INTS3: variants seen among roughly 807,000 people sequenced by gnomAD.
INTS3 encodes integrator complex subunit 3.
Under a neutral mutation model 146.3 loss-of-function variants are expected in INTS3, and 34 were observed. The observed-to-expected ratio is 0.23, with a 90% CI of 0.18 to 0.31. The LOEUF (loss-of-function observed/expected upper bound fraction) is 0.31, where lower values mean the gene tolerates loss of function less well. INTS3 is among the 10% of genes least tolerant of loss of function. The pLI is 1.00. For synonymous variants in INTS3, 475 were observed against 494.9 expected (o/e 0.96, Z 0.53); for missense variants, 757 against 1,304.2 (o/e 0.58, Z 6.46).
intron 5 of INTS3, chr1:153,748,406 C>T (rs764605979): frequency 2.9e-5 from 13 of 445,064 alleles, no homozygotes; most frequent in South Asian, 6.7e-5. Flanking sequence ...ACTTCTCAGA[C>T]GTTCATTTTC....
At chr1:153,771,987 C>T (rs1672894501) in intron 26 of INTS3, 24 bp downstream of exon 26, 2 of 1,600,946 alleles carry the variant, frequency 1.2e-6, no homozygotes, top group Non-Finnish European at 1.7e-6. Flanking sequence ...CCTGTCTACC[C>T]TCCAGGCCAT....
In INTS3 at chr1:153,773,088, A is replaced by G; in HGVS notation, c.3051+7A>G. ...GGGCTCCAGCAGTGCTTCAGTGAGA[A>G]CCCAGCCAGTGCACAGGGGGAAAAG... On this transcript the variant is annotated splice_region_variant and intron_variant, in intron 29 of 29. Coordinates refer to ENST00000318967, the MANE Select transcript of INTS3 (RefSeq NM_023015.5). The G allele has an allele frequency of 6.2e-7, 1 of 1,613,988 alleles. No individual in the cohort carries two copies. Among genetic ancestry groups the G allele is most frequent in the Non-Finnish European group, 8.5e-7 (1 of 1,179,992 alleles).
rs181813858 is a variant in INTS3, at chr1:153,742,746, T to C, written c.318+1378T>C. Among the ~76,000 whole-genome samples the C allele has an allele frequency of 2.0e-5, 3 of 152,358 alleles. No homozygotes were observed. The East Asian group carries it at 5.8e-4, about 29-fold the overall frequency. On this transcript the variant is annotated intron_variant, in intron 3 of 29. Transcript: ENST00000318967. ...CTGGGTTCTGCAGTGTAAATGCTTA[T>C]TATGTCATGAATTTGGCCATCCAGA...
chr1:153,728,146 CTCACCCCCTAGGG>C lies in INTS3; in HGVS notation c.-488_-476del, dbSNP rs1312168273. The C allele has an allele frequency of 2.5e-6, 1 of 397,564 alleles. No individual in the cohort carries two copies. The highest frequency in any genetic ancestry group is 4.4e-6 in the Non-Finnish European group (1 of 225,668). 24.6% of individuals were successfully genotyped at this position (397,564 alleles called of 1,614,324 possible). On this transcript the variant is annotated 5_prime_UTR_variant, in exon 1 of 30. Transcript: ENST00000318967. ...CTCCCATAGCGCTTATTGCCTCACC[CTCACCCCCTAGGG>C]GCCGGATCCAAAGGCGCTGCACTCC...
chr1:153,741,244 T>A (rs1039350875), intron 2 of INTS3, 41 bp from the exon 3 acceptor site: 1 of 1,452,306 alleles, frequency 6.9e-7, no homozygotes, highest in African/African-American at 1.4e-5. Flanking sequence ...ACTTACTGCC[T>A]GTGAGTGACA....
chr1:153,760,867 G>A lies in INTS3; in HGVS notation c.1358G>A (p.Arg453Gln), dbSNP rs769764092. ...NFYPPLEGHV[R>Q]QGVFSSLNHI... Reference sequence around the variant, plus strand: ...TATCCACCATTGGAGGGCCACGTGCGGCAGGGTGTCTTTTCCTCCCTCAAC... The same window carrying A: ...TATCCACCATTGGAGGGCCACGTGCAGCAGGGTGTCTTTTCCTCCCTCAAC... The change falls in exon 13 of 30, where the codon CGG (arginine) becomes CAG (glutamine). Residue 453 changes from arginine to glutamine, a missense_variant. Arg to Gln is a conservative substitution (Grantham distance 43). Transcript: ENST00000318967. 17 of 1,614,030 alleles carry A rather than the reference G, an allele frequency of 1.1e-5. No homozygotes were observed. The highest frequency in any genetic ancestry group is 1.6e-4 in the Middle Eastern group (1 of 6,084).
chr1:153,772,263 G>A lies in INTS3; in HGVS notation c.2721-77G>A, dbSNP rs1364844807. ...TGTAGGCTGCCTCTGTCTTAAGGGG[G>A]CCCTGGCGGGTGGAGGGTGTCTCGC... On this transcript the variant is annotated intron_variant, in intron 26 of 29. Coordinates refer to ENST00000318967, the MANE Select transcript of INTS3 (RefSeq NM_023015.5). The surrounding 1 kb of genome is among the most constrained non-coding windows in gnomAD (Gnocchi z 4.6). The A allele has an allele frequency of 1.3e-6, 2 of 1,509,692 alleles. No individual in the cohort carries two copies. Among genetic ancestry groups the A allele is most frequent in the Non-Finnish European group, 1.8e-6 (2 of 1,101,372 alleles). The allele number at this position is 1,509,692 out of a possible 1,614,324, so 93.5% of individuals were successfully genotyped here. A position where few individuals can be genotyped will look rare whatever the true frequency, so the allele number is the denominator to read the frequency against.
At chr1:153,732,885 C>G (rs1671132439) in intron 1 of INTS3, among the ~76,000 whole-genome samples, 1 of 151,016 alleles carries the variant, frequency 6.6e-6, no homozygotes, top group Non-Finnish European at 1.5e-5. Flanking sequence ...CTCACTGCAA[C>G]CTGCACTTCC....
intron 3 of INTS3, among the ~76,000 whole-genome samples, chr1:153,741,977 T>C (rs1431602139): frequency 6.6e-6 from 1 of 152,200 alleles, no homozygotes; most frequent in Non-Finnish European, 1.5e-5. Flanking sequence ...GGTGAGGGAC[T>C]AGGCAGGGTG....
chr1:153,774,241 A>T lies in INTS3; in HGVS notation c.*971A>T, dbSNP rs1673048358. 6.6e-6 allele frequency: 1 copy of T among 151,952 alleles called. No homozygotes were observed. The highest frequency in any genetic ancestry group is 2.1e-4 in the South Asian group (1 of 4,812). The allele number at this position is 151,952 out of a possible 1,614,324, so 9.4% of individuals were successfully genotyped here. A position where few individuals can be genotyped will look rare whatever the true frequency, so the allele number is the denominator to read the frequency against. On this transcript the variant is annotated 3_prime_UTR_variant, in exon 30 of 30. Coordinates refer to ENST00000318967, the MANE Select transcript of INTS3 (RefSeq NM_023015.5). ...AGGGACTTGGCTTTGGCCACTACCCATCCTTCCTGCTGCCACTGGAGGTGG... is the reference window on the plus strand; with the variant it reads ...AGGGACTTGGCTTTGGCCACTACCCTTCCTTCCTGCTGCCACTGGAGGTGG...
chr1:153,742,476 C>CTGTGTGTGTGTGTGTGTGTGTGTGTGTG (rs1161319800), intron 3 of INTS3, among the ~76,000 whole-genome samples: 3 of 60,250 alleles, frequency 5.0e-5, no homozygotes, highest in African/African-American at 2.4e-4. Flanking sequence ...GTTTTTTAAT[C>CTGTGTGTGTGTGTGTGTGTGTGTGTGTG]TCTGTGTGTG....
At chr1:153,770,144 TGTGTGTGTTC>T in intron 23 of INTS3, 44 bp from the exon 24 acceptor site, 1 of 769,402 alleles carries the variant, frequency 1.3e-6, no homozygotes. Context: ...GGTGTGTGTG[TGTGTGTGTTC>T]GTTTGTTCAT....
At chr1:153,747,662 G>T in intron 5 of INTS3, 1 of 429,532 alleles carries the variant, frequency 2.3e-6, no homozygotes, top group Non-Finnish European at 4.2e-6. Context: ...GCATTTCAGA[G>T]CAGGAAGAAA....
chr1:153,731,929 AC>A (rs1671081953), intron 1 of INTS3, among the ~76,000 whole-genome samples: 1 of 78,972 alleles, frequency 1.3e-5, no homozygotes, highest in Non-Finnish European at 2.3e-5. Context: ...TTTTTTTGAG[AC>A]AGAGTCTCCC....
intron 1 of INTS3, among the ~76,000 whole-genome samples, chr1:153,737,892 A>G (rs1671364204): frequency 6.6e-6 from 1 of 152,138 alleles, no homozygotes. Context: ...TTGGGGGGAC[A>G]TTTCAAATAT....
chr1:153,744,702 T>A (rs924918516), intron 3 of INTS3, among the ~76,000 whole-genome samples: 1 of 152,208 alleles, frequency 6.6e-6, no homozygotes, highest in Admixed American at 6.5e-5. Flanking sequence ...GAGCAGATGG[T>A]ACTGAGGGGT....
intron 1 of INTS3, among the ~76,000 whole-genome samples, chr1:153,736,124 T>C (rs1039175977): frequency 6.6e-6 from 1 of 152,168 alleles, no homozygotes; most frequent in Admixed American, 6.5e-5. Context: ...TAATACTGGA[T>C]CTCAGAGCTT....
At chr1:153,744,001 C>G (rs141050402) in intron 3 of INTS3, among the ~76,000 whole-genome samples, 1 of 151,648 alleles carries the variant, frequency 6.6e-6, no homozygotes, top group Non-Finnish European at 1.5e-5. Context: ...CTTTGAGACT[C>G]TCCACTTCTC....
Position 153,734,622 on chromosome 1 carries a change from T to G in INTS3, c.150+5838T>G, listed in dbSNP as rs112122316. On this transcript the variant is annotated intron_variant, in intron 1 of 29. Transcript: ENST00000318967. ...GCTCACGGGAGCTAGGGAAGGGGCC[T>G]AGAGAAACTGTTCAACCCAAGGTCT... is the stretch of plus-strand genomic sequence containing the variant. 4.0e-3 allele frequency among the ~76,000 whole-genome samples: 609 copies of G among 152,304 alleles called. 8 individuals carry two copies. The highest frequency in any genetic ancestry group is 0.014 in the African/African-American group (587 of 41,558).
Sources: allele counts gnomAD v4.1 joint callset (sites outside exome capture counted in the v4.1 genomes callset), GRCh38; gene constraint gnomAD v4.1.1; non-coding constraint Gnocchi (gnomAD v3.1); transcripts MANE v1.5; gene names NCBI Gene and HGNC (gene_info 2026-07-23, HGNC 2026-07-21).